NEMP2: variants seen among roughly 807,000 people sequenced by gnomAD.
The protein encoded by NEMP2 is UPF0571 transmembrane protein.
NEMP2 carries 53 observed loss-of-function variants against 54.2 expected under a neutral mutation model. That is an observed-to-expected ratio of 0.98 (90% CI 0.78 to 1.23). The LOEUF is 1.23. NEMP2 is among the 50% of genes most tolerant of loss of function. The probability of loss-of-function intolerance (pLI) is 0.00; values close to 1 mark genes in which losing one functional copy is unlikely to be tolerated. For synonymous variants in NEMP2, 197 were observed against 190.3 expected (o/e 1.04, Z -0.29); for missense variants, 455 against 511.3 (o/e 0.89, Z 1.06).
At chr2:190,539,383 G>A (rs1691475552), upstream of NEMP2, among the ~76,000 whole-genome samples, 1 of 152,150 alleles carries the variant, frequency 6.6e-6, no homozygotes, top group Non-Finnish European at 1.5e-5. This position sits in a 1 kb window ranked among gnomAD's most constrained non-coding sequence, Gnocchi z 4.1. Flanking sequence ...CAAGTAGTAT[G>A]ATGTCTCCAG....
At chr2:190,602,673 T>A in the NEMP2 span, among the ~76,000 whole-genome samples, 1 of 152,154 alleles carries the variant, frequency 6.6e-6, no homozygotes, top group Admixed American at 6.6e-5. Flanking sequence ...GTGACTGCCC[T>A]GTCTTCCTGT....
At chr2:190,535,953 T>C (rs1691362382), upstream of NEMP2, 1 of 152,210 alleles carries the variant, frequency 6.6e-6, no homozygotes, top group Admixed American at 6.5e-5. Flanking sequence ...GGTTTAATTT[T>C]GGATGGCACT....
the NEMP2 span, among the ~76,000 whole-genome samples, chr2:190,602,882 G>A: frequency 6.6e-6 from 1 of 152,188 alleles, no homozygotes; most frequent in East Asian, 1.9e-4. Context: ...AGGTGGGAAG[G>A]AAGAGGGAGC....
At chr2:190,558,530 C>T in the NEMP2 span, among the ~76,000 whole-genome samples, 1 of 152,142 alleles carries the variant, frequency 6.6e-6, no homozygotes, top group Non-Finnish European at 1.5e-5. This position sits in a 1 kb window ranked among gnomAD's most constrained non-coding sequence, Gnocchi z 4.4. Context: ...TATTTAGATA[C>T]TAAAAGAATA....
At chr2:190,642,901 T>C in the NEMP2 span, among the ~76,000 whole-genome samples, 2 of 151,730 alleles carry the variant, frequency 1.3e-5, no homozygotes, top group East Asian at 3.9e-4. The surrounding 1 kb of genome is among the most constrained non-coding windows in gnomAD (Gnocchi z 4.1). Context: ...TTTCCGAAAA[T>C]AATAAATTAA....
the NEMP2 span, among the ~76,000 whole-genome samples, chr2:190,449,895 A>G: frequency 8.5e-5 from 13 of 152,168 alleles, no homozygotes; most frequent in Non-Finnish European, 2.9e-5. Context: ...GAATAGCTTT[A>G]GGAGATATAC....
the NEMP2 span, among the ~76,000 whole-genome samples, chr2:190,580,590 T>C: frequency 6.6e-6 from 1 of 152,188 alleles, no homozygotes; most frequent in Non-Finnish European, 1.5e-5. The surrounding 1 kb of genome is among the most constrained non-coding windows in gnomAD (Gnocchi z 5.3). Context: ...CAGAATCAGA[T>C]GGGAAGGAAT....
At position 190,531,966 on chromosome 2, in the gene NEMP2, G is replaced by GC. The variant is rs1691159266; in HGVS notation, c.97+2592dup. ...AATGTTCCTCCTGAAAACTGACATG[G>GC]CCCTCATATGGGGAAAAAAAATATC... On this transcript the variant is annotated intron_variant, in intron 1 of 8. Transcript: ENST00000409150. This position sits in a 1 kb window ranked among gnomAD's most constrained non-coding sequence, Gnocchi z 4.7. Among the ~76,000 whole-genome samples the GC allele has an allele frequency of 1.4e-5, 2 of 145,848 alleles. No individual in the cohort carries two copies. The highest frequency in any genetic ancestry group is 3.0e-5 in the Non-Finnish European group (2 of 66,312).
At chr2:190,538,312 T>C (rs1226450364), upstream of NEMP2, among the ~76,000 whole-genome samples, 4 of 152,244 alleles carry the variant, frequency 2.6e-5, no homozygotes, top group South Asian at 2.1e-4. The surrounding 1 kb of genome is among the most constrained non-coding windows in gnomAD (Gnocchi z 4.1). Context: ...ATTTCATTTT[T>C]TTTATGGCTG....
chr2:190,475,173 C>G, the NEMP2 span, among the ~76,000 whole-genome samples: 4 of 152,142 alleles, frequency 2.6e-5, no homozygotes, highest in African/African-American at 9.7e-5. Context: ...GATGCCCTCT[C>G]TCACCACTCC....
chr2:190,623,135 T>C, the NEMP2 span, among the ~76,000 whole-genome samples: 5 of 152,060 alleles, frequency 3.3e-5, no homozygotes, highest in Admixed American at 3.3e-4. Context: ...ATTTATGCAA[T>C]GAAAATTATA....
the NEMP2 span, among the ~76,000 whole-genome samples, chr2:190,586,644 C>T: frequency 2.6e-5 from 4 of 152,180 alleles, no homozygotes; most frequent in South Asian, 2.1e-4. This position sits in a 1 kb window ranked among gnomAD's most constrained non-coding sequence, Gnocchi z 4.5. Context: ...TAGAGATTTT[C>T]GGGGAGAGAA....
the NEMP2 span, among the ~76,000 whole-genome samples, chr2:190,421,735 A>AAAT: frequency 6.6e-6 from 1 of 151,176 alleles, no homozygotes; most frequent in African/African-American, 2.4e-5. Context: ...TAAAAAAAAA[A>AAAT]TTTTTTTTAA....
At chr2:190,552,812 T>C in the NEMP2 span, among the ~76,000 whole-genome samples, 1 of 152,206 alleles carries the variant, frequency 6.6e-6, no homozygotes, top group Non-Finnish European at 1.5e-5. Context: ...GCTTTGATAA[T>C]GTAATTGTAA....
chr2:190,453,668 T>C, the NEMP2 span, among the ~76,000 whole-genome samples: 1 of 152,232 alleles, frequency 6.6e-6, no homozygotes, highest in East Asian at 1.9e-4. Context: ...ATCACTGATA[T>C]TCTTTTAATG....
chr2:190,431,217 C>T, the NEMP2 span, among the ~76,000 whole-genome samples: 1 of 150,788 alleles, frequency 6.6e-6, no homozygotes, highest in Non-Finnish European at 1.5e-5. The surrounding 1 kb of genome is among the most constrained non-coding windows in gnomAD (Gnocchi z 4.4). Flanking sequence ...CCTCACTTCC[C>T]AGACTGGGCA....
At chr2:190,435,069 C>T in the NEMP2 span, among the ~76,000 whole-genome samples, 2 of 152,318 alleles carry the variant, frequency 1.3e-5, no homozygotes, top group African/African-American at 4.8e-5. Context: ...AAACCAACCC[C>T]CCTCTCCATC....
chr2:190,515,096 G>A (rs1413149248), intron 6 of NEMP2, among the ~76,000 whole-genome samples: 1 of 152,124 alleles, frequency 6.6e-6, no homozygotes, highest in Non-Finnish European at 1.5e-5. Context: ...TGAATCCAAT[G>A]TTCAGTCTCA....
the NEMP2 span, among the ~76,000 whole-genome samples, chr2:190,432,456 C>G: frequency 6.6e-6 from 1 of 152,126 alleles, no homozygotes; most frequent in Non-Finnish European, 1.5e-5. Flanking sequence ...GCTCCGTCAC[C>G]CAGGCTGGAG....
Sources: gnomAD v4.1 joint callset for allele counts (sites outside exome capture counted in the v4.1 genomes callset) on GRCh38, gnomAD v4.1.1 for gene constraint, Gnocchi (gnomAD v3.1) non-coding constraint, MANE v1.5 for transcripts, NCBI Gene and HGNC (gene_info 2026-07-23, HGNC 2026-07-21) for gene names.